The following PER3 variants were observed in gnomAD, a reference collection of about 807,000 sequenced individuals.
PER3 encodes period circadian regulator 3.
In PER3, 107 loss-of-function variants were observed where a neutral mutation model predicts 127.2. The observed-to-expected ratio is 0.84, with a 90% confidence interval of 0.72 to 0.99. PER3 has a LOEUF of 0.99. Ranked by LOEUF, PER3 falls within the 50% of genes least tolerant of loss-of-function variation. The pLI is 0.00. For synonymous variants in PER3, 618 were observed against 585.8 expected (o/e 1.05, Z -0.79); for missense variants, 1,560 against 1,525.8 (o/e 1.02, Z -0.37).
chr1:7,796,206 G>A (rs7522808), intron 6 of PER3, among the ~76,000 whole-genome samples: 1 of 151,908 alleles, frequency 6.6e-6, no homozygotes, highest in Non-Finnish European at 1.5e-5. Flanking sequence ...GTGGGAAATG[G>A]CATTCACATT....
chr1:7,799,172 GACAT>G (rs1422405587), intron 7 of PER3, among the ~76,000 whole-genome samples: 1 of 152,098 alleles, frequency 6.6e-6, no homozygotes, highest in East Asian at 1.9e-4. Flanking sequence ...GATGTAAAAT[GACAT>G]ATGCTTTCCT....
intron 5 of PER3, among the ~76,000 whole-genome samples, chr1:7,791,489 G>A (rs1193064535): frequency 6.6e-6 from 1 of 152,226 alleles, no homozygotes; most frequent in African/African-American, 2.4e-5. Flanking sequence ...TCTCTCGTAG[G>A]CCTCAGCCTG....
chr1:7,815,162 A>G (rs978498680), intron 13 of PER3, among the ~76,000 whole-genome samples: 5 of 152,216 alleles, frequency 3.3e-5, no homozygotes, highest in Non-Finnish European at 7.3e-5. Context: ...AACAGAAAAC[A>G]GCTAGTGGCT....
chr1:7,839,900 C>A (rs76908144), intron 21 of PER3, among the ~76,000 whole-genome samples: 1,594 of 152,088 alleles, frequency 0.01, 34 homozygotes, highest in African/African-American at 0.036. Flanking sequence ...GCCTCTTGGA[C>A]TTTTACATTC....
At chr1:7,796,250 T>A (rs1418319778) in intron 6 of PER3, among the ~76,000 whole-genome samples, 2 of 151,896 alleles carry the variant, frequency 1.3e-5, no homozygotes, top group African/African-American at 4.8e-5. Flanking sequence ...GGATGGTTAT[T>A]GCTACAGGGT....
chr1:7,795,284 G>T (rs1022502109), intron 6 of PER3, among the ~76,000 whole-genome samples: 1 of 152,136 alleles, frequency 6.6e-6, no homozygotes, highest in African/African-American at 2.4e-5. Context: ...GTCAGTGCTG[G>T]GATTCAAACA....
chr1:7,841,212 C>T (rs573696711), intron 21 of PER3, among the ~76,000 whole-genome samples: 11 of 151,862 alleles, frequency 7.2e-5, no homozygotes, highest in Non-Finnish European at 1.3e-4. Flanking sequence ...CATCCTGGGC[C>T]GCATGTGGCC....
chr1:7,811,370 A>G (rs79423628), intron 13 of PER3: 2,082 of 152,330 alleles, frequency 0.014, 27 homozygotes, highest in Middle Eastern at 0.02. Flanking sequence ...GATTTACACC[A>G]CAGAAAGTCA....
chr1:7,798,276 T>C (rs1161312137), intron 6 of PER3, among the ~76,000 whole-genome samples: 1 of 152,258 alleles, frequency 6.6e-6, no homozygotes, highest in Non-Finnish European at 1.5e-5. Context: ...AGAAAAGTCA[T>C]GGAACCACTA....
intron 19 of PER3, among the ~76,000 whole-genome samples, chr1:7,832,366 C>CTTTTT (rs33933452): frequency 1.2e-5 from 1 of 85,850 alleles, no homozygotes; most frequent in Non-Finnish European, 2.2e-5. Context: ...GATTTATGCT[C>CTTTTT]TTTTTTTTTT....
At chr1:7,832,898 GCATGATCC>G (rs2097339883) in intron 19 of PER3, among the ~76,000 whole-genome samples, 2 of 150,704 alleles carry the variant, frequency 1.3e-5, no homozygotes, top group Admixed American at 1.3e-4. Flanking sequence ...GAGTGCAGTG[GCATGATCC>G]CAGCTCACTG....
intron 19 of PER3, among the ~76,000 whole-genome samples, chr1:7,831,350 C>G (rs2097330699): frequency 6.6e-6 from 1 of 152,174 alleles, no homozygotes; most frequent in African/African-American, 2.4e-5. Flanking sequence ...TTTAGTAGCT[C>G]TTTTTAGATT....
At chr1:7,807,821 TC>T (rs2097201516) in intron 10 of PER3, among the ~76,000 whole-genome samples, 1 of 152,040 alleles carries the variant, frequency 6.6e-6, no homozygotes, top group South Asian at 2.1e-4. Flanking sequence ...AACACCTGCT[TC>T]CCCCTTACCT....
Position 7,842,870 on chromosome 1 carries a change from TC to T in PER3, c.*116del. The stretch of plus-strand genomic sequence containing the variant: ...GTTATCATTGAATGTTAAGATTTTT[TC>T]TTCTTGATTTTTTAATACACGTAAT... On this transcript the variant is annotated 3_prime_UTR_variant, in exon 22 of 22. Transcript: ENST00000377532. 1.3e-6 allele frequency: 1 copy of T among 797,684 alleles called. No homozygotes were observed. Among genetic ancestry groups the T allele is most frequent in the Non-Finnish European group, 1.9e-6 (1 of 533,016 alleles). 49.4% of individuals were successfully genotyped at this position (797,684 alleles called of 1,614,324 possible).
Position 7,827,722 on chromosome 1 carries a change from A to G in PER3, c.2793A>G (p.Ser931=). The G allele has an allele frequency of 6.2e-7, 1 of 1,614,070 alleles. No homozygotes were observed. Among genetic ancestry groups the G allele is most frequent in the Non-Finnish European group, 8.5e-7 (1 of 1,179,956 alleles). Residue 931 remains serine (S), a synonymous_variant, in exon 18 of 22, where the codon TCA becomes TCG. Transcript: ENST00000377532. ...GHPFITSRSS[S]PLQLNLLQEE... is the part of the protein sequence containing the mutation. ...CGTTCATTACTTCGAGAAGCAGCTC[A>G]CCCTTGCAGTTAAACTTACTTCAGG...
rs1356444026 is a variant in PER3, at chr1:7,826,561, T to TG, written c.2043dup (p.Leu682AlafsTer19). ...TTGACCTCGGAAGAATTTAAACACG[T>TG]GGGGCTCACAGCGGCTGTTCTGTCA... On this transcript the variant is annotated frameshift_variant, in exon 17 of 22. Coordinates refer to ENST00000377532, the MANE Select transcript of PER3 (RefSeq NM_001377275.1). LOFTEE classifies it high-confidence loss of function. This position sits in a 1 kb window ranked among gnomAD's most constrained non-coding sequence, Gnocchi z 4.2. 1 of 1,613,686 alleles carries TG rather than the reference T, an allele frequency of 6.2e-7. No individual in the cohort carries two copies. The highest frequency in any genetic ancestry group is 8.5e-7 in the Non-Finnish European group (1 of 1,179,750).
In PER3 at chr1:7,827,566, G is replaced by A. The variant is rs758223400; in HGVS notation, c.2637G>A (p.Leu879=). The part of the protein sequence containing the change: ...LSPSFLPCPF[L]GATASSAISP... The stretch of plus-strand genomic sequence containing the variant: ...CATCGTTTTTGCCATGTCCATTCCT[G>A]GGGGCGACAGCCTCTTCTGCGATAT... The change falls in exon 18 of 22, where the codon CTG becomes CTA. Residue 879 remains leucine (L), a synonymous_variant. Coordinates refer to ENST00000377532, the MANE Select transcript of PER3 (RefSeq NM_001377275.1). 2 of 1,614,096 alleles carry A rather than the reference G, an allele frequency of 1.2e-6. No homozygotes were observed. Among genetic ancestry groups the A allele is most frequent in the South Asian group, 2.2e-5 (2 of 91,082 alleles).
Position 7,826,643 on chromosome 1 carries a change from G to A in PER3, c.2121G>A (p.Leu707=). ...TTGATAAATTCCGAGAAAAGATCCT[G>A]TCATCACCCTACAGCTCCTATCTTC... is the stretch of plus-strand genomic sequence containing the variant. ...NYVDKFREKI[L]SSPYSSYLQQ... Residue 707 remains leucine, a synonymous_variant, in exon 17 of 22, where the codon CTG becomes CTA. Coordinates refer to ENST00000377532, the MANE Select transcript of PER3 (RefSeq NM_001377275.1). This position sits in a 1 kb window ranked among gnomAD's most constrained non-coding sequence, Gnocchi z 4.2. 1 of 1,613,664 alleles carries A rather than the reference G, an allele frequency of 6.2e-7. No individual in the cohort carries two copies. The highest frequency in any genetic ancestry group is 8.5e-7 in the Non-Finnish European group (1 of 1,179,618).
Position 7,842,762 on chromosome 1 carries a change from G to C in PER3, c.*7G>C. The stretch of plus-strand genomic sequence containing the variant: ...GGTAGAAGACAGCTGTTGAGTGACT[G>C]TGAGGATGAACCTTCATACCCTTTC... On this transcript the variant is annotated 3_prime_UTR_variant, in exon 22 of 22. Transcript: ENST00000377532. The C allele has an allele frequency of 6.2e-7, 1 of 1,611,208 alleles. No individual in the cohort carries two copies. The highest frequency in any genetic ancestry group is 8.5e-7 in the Non-Finnish European group (1 of 1,177,858).
Sources: gnomAD v4.1 joint callset for allele counts (sites outside exome capture counted in the v4.1 genomes callset) on GRCh38, gnomAD v4.1.1 for gene constraint, Gnocchi (gnomAD v3.1) non-coding constraint, MANE v1.5 for transcripts, NCBI Gene and HGNC (gene_info 2026-07-23, HGNC 2026-07-21) for gene names.